RERE: variants seen among roughly 807,000 people sequenced by gnomAD.
RERE encodes the protein arginine-glutamic acid dipeptide repeats.
In RERE, 40 loss-of-function variants were observed where a neutral mutation model predicts 146.1. The observed-to-expected ratio is 0.27, with a 90% CI of 0.21 to 0.36. The LOEUF (loss-of-function observed/expected upper bound fraction) is 0.36. Among genes scored for constraint, RERE ranks in the 10% least tolerant of loss-of-function variants. RERE has a pLI of 1.00. For synonymous variants in RERE, 1,003 were observed against 866.0 expected (o/e 1.16, Z -2.78); for missense variants, 1,933 against 2,138.7 (o/e 0.90, Z 1.90).
At chr1:8,381,127 A>G (rs921397663) in intron 12 of RERE, 1 of 387,764 alleles carries the variant, frequency 2.6e-6, no homozygotes, top group African/African-American at 2.1e-5. Flanking sequence ...ATAGGAAGCG[A>G]GTTTCCGATG....
intron 4 of RERE, among the ~76,000 whole-genome samples, chr1:8,577,671 A>G (rs185106000): frequency 2.6e-5 from 4 of 152,380 alleles, no homozygotes; most frequent in African/African-American, 4.8e-5. Flanking sequence ...TATGAGATCT[A>G]GAGTATCTCA....
At chr1:8,742,407 C>A (rs1291619790) in intron 1 of RERE, among the ~76,000 whole-genome samples, 2 of 152,188 alleles carry the variant, frequency 1.3e-5, no homozygotes, top group Non-Finnish European at 2.9e-5. Flanking sequence ...TAAAGTTACT[C>A]TGACACTCTG....
At chr1:8,479,583 C>T (rs1363369584) in intron 10 of RERE, among the ~76,000 whole-genome samples, 1 of 152,128 alleles carries the variant, frequency 6.6e-6, no homozygotes, top group Non-Finnish European at 1.5e-5. Context: ...CTGGAGAAGA[C>T]ACAGACACAC....
At position 8,364,918 on chromosome 1, in the gene RERE, AG is replaced by A. The variant is rs1343189445; in HGVS notation, c.1448-81del. ...AGGCTGGGCCGGTGGGGTGGGGGGG[AG>A]GGGGGAACACCTGTGACCTCTGGCC... On this transcript the variant is annotated intron_variant, in intron 13 of 22. Transcript: ENST00000400908. The surrounding 1 kb of genome is among the most constrained non-coding windows in gnomAD (Gnocchi z 5.1). The A allele has an allele frequency of 3.1e-4, 3 of 9,606 alleles. No homozygotes were observed. Among genetic ancestry groups the A allele is most frequent in the Non-Finnish European group, 5.6e-4 (3 of 5,364 alleles). 0.6% of individuals were successfully genotyped at this position (9,606 alleles called of 1,614,324 possible).
intron 11 of RERE, among the ~76,000 whole-genome samples, chr1:8,441,870 A>G (rs956318325): frequency 3.4e-5 from 5 of 148,616 alleles, no homozygotes; most frequent in African/African-American, 9.7e-5. Flanking sequence ...ATAATTTGAA[A>G]AAACATTTCT....
Position 8,369,098 on chromosome 1 carries a change from A to G in RERE, c.1285-3124T>C, listed in dbSNP as rs1641927920. 4.6e-5 allele frequency among the ~76,000 whole-genome samples: 7 copies of G among 151,934 alleles called. No individual in the cohort carries two copies. In the South Asian group the frequency reaches 1.2e-3, roughly 27 times the overall value. On this transcript the variant is annotated intron_variant, in intron 12 of 22. Coordinates refer to ENST00000400908, the MANE Select transcript of RERE (RefSeq NM_001042681.2). ...CTGTAATAATACCAGCTATTCAGGAAGCTGAGACAAGAGGATCACTTGAGC... is the reference window on the plus strand; with the variant it reads ...CTGTAATAATACCAGCTATTCAGGAGGCTGAGACAAGAGGATCACTTGAGC...
intron 7 of RERE, among the ~76,000 whole-genome samples, chr1:8,537,292 T>C (rs1026773482): frequency 1.4e-4 from 22 of 152,252 alleles, no homozygotes; most frequent in Middle Eastern, 6.8e-3. Context: ...ATCCTTAGGA[T>C]GAGAGGTTTA....
intron 4 of RERE, among the ~76,000 whole-genome samples, chr1:8,574,558 AG>A (rs1180726318): frequency 6.6e-6 from 1 of 152,136 alleles, no homozygotes; most frequent in Non-Finnish European, 1.5e-5. Context: ...CATGTTAGCC[AG>A]GACGGTCTCA....
chr1:8,659,697 G>A (rs918893362), intron 1 of RERE, among the ~76,000 whole-genome samples: 3 of 152,242 alleles, frequency 2.0e-5, no homozygotes, highest in Admixed American at 6.5e-5. Flanking sequence ...TGCAACTGCA[G>A]TTTCAGACAG....
At chr1:8,637,179 G>A (rs148441101) in intron 2 of RERE, among the ~76,000 whole-genome samples, 15 of 151,994 alleles carry the variant, frequency 9.9e-5, no homozygotes, top group Non-Finnish European at 2.1e-4. Context: ...CTTCTCCTAG[G>A]ATTATGAATC....
At chr1:8,581,544 C>A (rs1646366029) in intron 4 of RERE, among the ~76,000 whole-genome samples, 1 of 152,170 alleles carries the variant, frequency 6.6e-6, no homozygotes, top group Non-Finnish European at 1.5e-5. Flanking sequence ...TAAACACACT[C>A]TCCTGATTTC....
At chr1:8,522,512 A>C (rs1054500962) in intron 7 of RERE, among the ~76,000 whole-genome samples, 4 of 152,248 alleles carry the variant, frequency 2.6e-5, no homozygotes, top group Admixed American at 2.6e-4. Flanking sequence ...TAGATATATT[A>C]GAGTCTTCTA....
chr1:8,687,681 A>C (rs975844990), intron 1 of RERE, among the ~76,000 whole-genome samples: 1 of 152,184 alleles, frequency 6.6e-6, no homozygotes, highest in Non-Finnish European at 1.5e-5. Context: ...ATTACATCCC[A>C]TTTTCACACC....
At chr1:8,355,931 C>T (rs1333223449) in intron 21 of RERE, among the ~76,000 whole-genome samples, 169 bp downstream of exon 21, 1 of 152,150 alleles carries the variant, frequency 6.6e-6, no homozygotes, top group Non-Finnish European at 1.5e-5. Flanking sequence ...CCCAGACAGC[C>T]CCCAGAGGGC....
At chr1:8,725,932 A>T (rs1431838223) in intron 1 of RERE, among the ~76,000 whole-genome samples, 4 of 150,374 alleles carry the variant, frequency 2.7e-5, no homozygotes, top group Non-Finnish European at 5.9e-5. Context: ...TGTTTTAAAA[A>T]GTTGTTTAAA....
chr1:8,590,288 G>C (rs1646476775), intron 4 of RERE, among the ~76,000 whole-genome samples: 2 of 152,226 alleles, frequency 1.3e-5, no homozygotes, highest in African/African-American at 2.4e-5. Context: ...TCCCAGAATA[G>C]GTGCCATTCG....
intron 11 of RERE, among the ~76,000 whole-genome samples, chr1:8,455,461 T>C (rs1644443267): frequency 6.6e-6 from 1 of 152,106 alleles, no homozygotes. Flanking sequence ...ACACGTATCA[T>C]CAGTACACAT....
chr1:8,807,488 T>C (rs1641713133), intron 1 of RERE, among the ~76,000 whole-genome samples: 1 of 152,196 alleles, frequency 6.6e-6, no homozygotes, highest in South Asian at 2.1e-4. Flanking sequence ...TCACAGGCCA[T>C]TACATCAACC....
chr1:8,425,556 G>T (rs908648093), intron 11 of RERE: 1 of 152,344 alleles, frequency 6.6e-6, no homozygotes, highest in Non-Finnish European at 1.5e-5. Context: ...GAAGGTCAGA[G>T]GTGGAGAATG....
Sources: allele counts gnomAD v4.1 joint callset (sites outside exome capture counted in the v4.1 genomes callset), GRCh38; gene constraint gnomAD v4.1.1; non-coding constraint Gnocchi (gnomAD v3.1); transcripts MANE v1.5; gene names NCBI Gene and HGNC (gene_info 2026-07-23, HGNC 2026-07-21).